The following ANKS6 variants were observed in gnomAD, a reference collection of about 807,000 sequenced individuals.
The protein encoded by ANKS6 is ankyrin repeat and sterile alpha motif domain containing 6.
Under a neutral mutation model 77.9 loss-of-function variants are expected in ANKS6, and 47 were observed. The ratio of observed to expected loss-of-function variants is 0.60; its 90% CI spans 0.48 to 0.77. The LOEUF is 0.77. Among genes scored for constraint, ANKS6 ranks in the 30% least tolerant of loss-of-function variants. The pLI, the probability that ANKS6 is intolerant of heterozygous loss-of-function variation, is 0.00. For synonymous variants in ANKS6, 488 were observed against 501.7 expected (o/e 0.97, Z 0.37); for missense variants, 1,150 against 1,159.1 (o/e 0.99, Z 0.11).
Position 98,784,850 on chromosome 9 carries a change from AAAT to A in ANKS6, c.886_888del (p.Ile296del). 6.2e-7 allele frequency: 1 copy of A among 1,613,608 alleles called. No homozygotes were observed. The highest frequency in any genetic ancestry group is 2.2e-5 in the East Asian group (1 of 44,886). On this transcript the variant is annotated inframe_deletion, in exon 3 of 15. Coordinates refer to ENST00000353234, the MANE Select transcript of ANKS6 (RefSeq NM_173551.5). ...CGCTTACCCATTTTCAATGCATGGAAAATATCAGGTCGCCTTTTCTCCTCATCT... is the reference window on the plus strand; with the variant it reads ...CGCTTACCCATTTTCAATGCATGGAAATCAGGTCGCCTTTTCTCCTCATCT...
intron 14 of ANKS6, among the ~76,000 whole-genome samples, chr9:98,743,816 C>A (rs867873590): frequency 2.0e-5 from 3 of 152,206 alleles, no homozygotes; most frequent in Admixed American, 1.3e-4. Context: ...GGTCAATACC[C>A]GCATGGTGCC....
In ANKS6 at chr9:98,756,656, G is replaced by A. The variant is rs371305410; in HGVS notation, c.2143-53C>T. The stretch of plus-strand genomic sequence containing the variant: ...AAGCCATCACCTGTAGGGTAGAAAT[G>A]AGGAAAACAAGACACCCACAACAGG... On this transcript the variant is annotated intron_variant, in intron 11 of 14. Transcript: ENST00000353234. 2.8e-4 allele frequency: 389 copies of A among 1,396,864 alleles called. 6 individuals are homozygous for A. In the South Asian group the frequency reaches 6.1e-3, roughly 22 times the overall value. 86.5% of individuals were successfully genotyped at this position (1,396,864 alleles called of 1,614,324 possible). A position where few individuals can be genotyped will look rare whatever the true frequency, so the allele number is the denominator to read the frequency against.
intron 9 of ANKS6, among the ~76,000 whole-genome samples, chr9:98,771,454 G>A (rs1435106952): frequency 6.6e-6 from 1 of 152,152 alleles, no homozygotes; most frequent in African/African-American, 2.4e-5. Flanking sequence ...CCGTGATGCT[G>A]CCTCTGTTGG....
rs1157218293 is a variant in ANKS6, at chr9:98,735,673, C to T, written c.*846G>A. 8.1e-7 allele frequency: 1 copy of T among 1,231,670 alleles called. No homozygotes were observed. The highest frequency in any genetic ancestry group is 1.0e-6 in the Non-Finnish European group (1 of 987,996). The allele number at this position is 1,231,670 out of a possible 1,614,324, so 76.3% of individuals were successfully genotyped here. On this transcript the variant is annotated 3_prime_UTR_variant, in exon 15 of 15. Coordinates refer to ENST00000353234, the MANE Select transcript of ANKS6 (RefSeq NM_173551.5). ...GCACTGTGGAGTACCAGAGCATCAT[C>T]TGGTCTGACCTTCCACTTTGCAGAT... is the stretch of plus-strand genomic sequence containing the variant.
chr9:98,783,685 T>A (rs904987164), intron 4 of ANKS6: 2 of 339,978 alleles, frequency 5.9e-6, no homozygotes, highest in African/African-American at 4.2e-5. Context: ...CTAGAGAACC[T>A]TATCTCTCTG....
At chr9:98,786,080 G>C (rs1564222959) in intron 2 of ANKS6, among the ~76,000 whole-genome samples, 1 of 152,098 alleles carries the variant, frequency 6.6e-6, no homozygotes, top group African/African-American at 2.4e-5. Context: ...CTGGGTTCAA[G>C]TGACTCTTGT....
chr9:98,742,088 T>C (rs942910116), intron 14 of ANKS6, among the ~76,000 whole-genome samples: 1 of 152,154 alleles, frequency 6.6e-6, no homozygotes, highest in Non-Finnish European at 1.5e-5. Context: ...AGAAAGACAC[T>C]GCGGGCAAGG....
At chr9:98,750,022 C>A (rs984341829) in intron 13 of ANKS6, among the ~76,000 whole-genome samples, 1 of 152,214 alleles carries the variant, frequency 6.6e-6, no homozygotes, top group African/African-American at 2.4e-5. Context: ...AGATATAATT[C>A]ATCTACCATA....
intron 6 of ANKS6, among the ~76,000 whole-genome samples, chr9:98,779,789 G>A (rs1012688186): frequency 1.9e-4 from 29 of 151,890 alleles, no homozygotes; most frequent in South Asian, 6.2e-4. Context: ...TCAGCCTCCC[G>A]TGTAGCTGGG....
chr9:98,758,119 G>C lies in ANKS6; in HGVS notation c.2143-1516C>G, dbSNP rs368864707. On this transcript the variant is annotated intron_variant, in intron 11 of 14. Transcript: ENST00000353234. ...CTCCTTCCTTCCACATTTATTATCT[G>C]TAATACTTCTATAAGGAAGAGTTGT... Among the ~76,000 whole-genome samples the C allele has an allele frequency of 2.4e-4, 36 of 152,032 alleles. 1 individual carries two copies. The South Asian group carries it at 7.5e-3, about 32-fold the overall frequency.
At chr9:98,794,428 GACA>G (rs1438760361) in intron 1 of ANKS6, among the ~76,000 whole-genome samples, 10 of 152,192 alleles carry the variant, frequency 6.6e-5, no homozygotes, top group Non-Finnish European at 1.3e-4. Context: ...CGATGTGAGG[GACA>G]GACACACTGT....
intron 11 of ANKS6, among the ~76,000 whole-genome samples, chr9:98,767,373 T>C (rs1038161659): frequency 6.6e-6 from 1 of 152,108 alleles, no homozygotes; most frequent in African/African-American, 2.4e-5. Context: ...TTTACCTGGC[T>C]CCATTCTCAT....
At chr9:98,793,301 G>A (rs769276542) in intron 1 of ANKS6, among the ~76,000 whole-genome samples, 1 of 152,184 alleles carries the variant, frequency 6.6e-6, no homozygotes, top group Non-Finnish European at 1.5e-5. Flanking sequence ...AGGCTCTGGA[G>A]CCACCTCCCT....
chr9:98,793,716 G>A (rs1835025693), intron 1 of ANKS6, among the ~76,000 whole-genome samples: 1 of 151,222 alleles, frequency 6.6e-6, no homozygotes, highest in Non-Finnish European at 1.5e-5. Flanking sequence ...TGTATTTTTA[G>A]TAGAGACAGG....
chr9:98,732,336 C>T lies in ANKS6; in HGVS notation c.*4183G>A. The T allele has an allele frequency of 1.3e-6, 1 of 796,608 alleles. No homozygotes were observed. The highest frequency in any genetic ancestry group is 1.9e-6 in the Non-Finnish European group (1 of 514,426). 49.3% of individuals were successfully genotyped at this position (796,608 alleles called of 1,614,324 possible). ...GACGAGTTCCCTGCCCCCTTTTTAC[C>T]CGCTGGATCAGCTTCTACGACTTGG... On this transcript the variant is annotated 3_prime_UTR_variant, in exon 15 of 15. Coordinates refer to ENST00000353234, the MANE Select transcript of ANKS6 (RefSeq NM_173551.5).
At chr9:98,748,934 G>C (rs539187125) in intron 13 of ANKS6, among the ~76,000 whole-genome samples, 12 of 152,158 alleles carry the variant, frequency 7.9e-5, no homozygotes, top group African/African-American at 2.9e-4. Flanking sequence ...ATTATTAATG[G>C]GGATAATTGT....
chr9:98,754,417 G>T (rs532828383), intron 12 of ANKS6, among the ~76,000 whole-genome samples: 2 of 152,104 alleles, frequency 1.3e-5, no homozygotes, highest in Non-Finnish European at 2.9e-5. Context: ...CGAGGCGGGC[G>T]GATCACGAGG....
At chr9:98,776,002 T>G (rs1833899655) in intron 8 of ANKS6, among the ~76,000 whole-genome samples, 1 of 152,158 alleles carries the variant, frequency 6.6e-6, no homozygotes, top group Non-Finnish European at 1.5e-5. Flanking sequence ...GGGAGCCCCC[T>G]CTGCTCCCTT....
chr9:98,757,957 A>T (rs1832803812), intron 11 of ANKS6, among the ~76,000 whole-genome samples: 1 of 151,988 alleles, frequency 6.6e-6, no homozygotes, highest in East Asian at 1.9e-4. Flanking sequence ...ATAAATAAAT[A>T]TACAAAATAA....
Sources: allele counts gnomAD v4.1 joint callset (sites outside exome capture counted in the v4.1 genomes callset), GRCh38; gene constraint gnomAD v4.1.1; transcripts MANE v1.5; gene names NCBI Gene and HGNC (gene_info 2026-07-23, HGNC 2026-07-21).